SORCS2: variants seen among roughly 807,000 people sequenced by gnomAD.
The protein encoded by SORCS2 is sortilin related VPS10 domain containing receptor 2, also known as VPS10 domain-containing receptor SorCS2.
A neutral mutation model predicts 141.6 loss-of-function variants in SORCS2; 100 were observed. The observed-to-expected ratio is 0.71, with a 90% CI of 0.60 to 0.83. SORCS2 has a LOEUF of 0.83. Ranked by LOEUF, SORCS2 falls within the 40% of genes least tolerant of loss-of-function variation. The probability of loss-of-function intolerance (pLI) is 0.00; values close to 1 mark genes in which losing one functional copy is unlikely to be tolerated. For synonymous variants in SORCS2, 789 were observed against 676.9 expected, an observed-to-expected ratio of 1.17 and a Z score of -2.57; for missense variants, 1,646 against 1,560.2, an observed-to-expected ratio of 1.05 and a Z score of -0.93.
intron 3 of SORCS2, among the ~76,000 whole-genome samples, chr4:7,577,314 A>G (rs926409630): frequency 2.0e-5 from 3 of 152,218 alleles, no homozygotes; most frequent in Non-Finnish European, 2.9e-5. Flanking sequence ...GTAGACAGGT[A>G]AAGCCAGGTG....
chr4:7,340,336 GA>G (rs1410880666), intron 1 of SORCS2, among the ~76,000 whole-genome samples: 2 of 152,258 alleles, frequency 1.3e-5, no homozygotes, highest in Admixed American at 6.5e-5. Context: ...AGCTGGGACT[GA>G]GGGTGTCAGG....
intron 8 of SORCS2, among the ~76,000 whole-genome samples, chr4:7,671,291 T>TA (rs1052974314): frequency 3.0e-4 from 45 of 150,964 alleles, no homozygotes; most frequent in Admixed American, 1.5e-3. Context: ...GTTTTTGACA[T>TA]AAAAAAGTTA....
intron 2 of SORCS2, among the ~76,000 whole-genome samples, chr4:7,428,445 C>T (rs780502247): frequency 4.6e-5 from 7 of 152,128 alleles, no homozygotes; most frequent in Non-Finnish European, 8.8e-5. Context: ...TCCTGCAGCT[C>T]GCATTCCAAG....
chr4:7,225,714 C>T (rs1179351292), intron 1 of SORCS2, among the ~76,000 whole-genome samples: 2 of 152,112 alleles, frequency 1.3e-5, no homozygotes, highest in African/African-American at 4.8e-5. Context: ...TGAGCTGGCC[C>T]ACCAGGCTGT....
intron 1 of SORCS2, among the ~76,000 whole-genome samples, chr4:7,340,356 T>A (rs974606882): frequency 3.3e-5 from 5 of 152,222 alleles, no homozygotes; most frequent in African/African-American, 7.2e-5. Context: ...GGATGTGAGA[T>A]GTTTGCTGCT....
At chr4:7,434,484 C>A in intron 2 of SORCS2, 2 of 1,611,938 alleles carry the variant, frequency 1.2e-6, no homozygotes, top group South Asian at 2.2e-5. Flanking sequence ...CTGTGCACAC[C>A]TGTGCCGGGG....
At chr4:7,570,837 G>A (rs1250752199) in intron 3 of SORCS2, among the ~76,000 whole-genome samples, 1 of 152,190 alleles carries the variant, frequency 6.6e-6, no homozygotes, top group East Asian at 1.9e-4. Flanking sequence ...GGGGATGGGG[G>A]TGGGAGGGTG....
At chr4:7,553,664 G>C (rs1713894566) in intron 3 of SORCS2, among the ~76,000 whole-genome samples, 1 of 152,246 alleles carries the variant, frequency 6.6e-6, no homozygotes, top group African/African-American at 2.4e-5. Flanking sequence ...ATGGAGACCA[G>C]GTGGGCACCA....
intron 3 of SORCS2, among the ~76,000 whole-genome samples, chr4:7,551,466 A>G (rs1241505285): frequency 6.6e-6 from 1 of 152,230 alleles, no homozygotes; most frequent in Non-Finnish European, 1.5e-5. Flanking sequence ...TCGGCTGTGC[A>G]TGCTGAGCCA....
chr4:7,233,020 A>G lies in SORCS2; in HGVS notation c.480+39894A>G, dbSNP rs561680705. 2.6e-5 allele frequency among the ~76,000 whole-genome samples: 4 copies of G among 152,270 alleles called. No homozygotes were observed. The South Asian group carries it at 6.2e-4, about 24-fold the overall frequency. The stretch of plus-strand genomic sequence containing the variant: ...CCAGAGCTCCCTGCTCCTCTGCACT[A>G]GGAACCTCCCAGAGGCTTTCTGGGG... On this transcript the variant is annotated intron_variant, in intron 1 of 26. Transcript: ENST00000507866. This position sits in a 1 kb window ranked among gnomAD's most constrained non-coding sequence, Gnocchi z 4.5.
At chr4:7,322,136 G>C (rs967282308) in intron 1 of SORCS2, among the ~76,000 whole-genome samples, 3 of 152,178 alleles carry the variant, frequency 2.0e-5, no homozygotes, top group African/African-American at 7.2e-5. Flanking sequence ...CATTAGACCA[G>C]ATGCTGCTTG....
At chr4:7,391,663 G>C (rs376120267) in intron 1 of SORCS2, among the ~76,000 whole-genome samples, 1 of 152,100 alleles carries the variant, frequency 6.6e-6, no homozygotes, top group African/African-American at 2.4e-5. Flanking sequence ...GTCAGTGGAC[G>C]TGGGGGCTGG....
At chr4:7,705,464 C>A (rs1363329493) in intron 14 of SORCS2, among the ~76,000 whole-genome samples, 1 of 152,252 alleles carries the variant, frequency 6.6e-6, no homozygotes, top group Non-Finnish European at 1.5e-5. Flanking sequence ...ACAGCTCTTC[C>A]ACCTCAAGGC....
intron 20 of SORCS2, 81 bp from the exon 21 acceptor site, chr4:7,726,699 G>A: frequency 1.3e-6 from 2 of 1,535,656 alleles, no homozygotes. Context: ...TGCTCTCAGT[G>A]AGGCAGCGAC....
intron 1 of SORCS2, among the ~76,000 whole-genome samples, chr4:7,352,900 C>T (rs566577848): frequency 1.4e-4 from 21 of 151,284 alleles, no homozygotes; most frequent in Middle Eastern, 3.4e-3. Flanking sequence ...CTTATAACCA[C>T]GGTTCCTTGG....
chr4:7,741,202 A>G lies in SORCS2; in HGVS notation c.*938A>G. On this transcript the variant is annotated 3_prime_UTR_variant, in exon 27 of 27. Transcript: ENST00000507866. ...AGTTTTCTGCAGTTCCTTATAGGCG[A>G]AGGGAACCGGGTGGAAACCAAGCTG... 2.5e-6 allele frequency: 1 copy of G among 398,770 alleles called. No individual in the cohort carries two copies. The highest frequency in any genetic ancestry group is 4.4e-6 in the Non-Finnish European group (1 of 226,128). The allele number at this position is 398,770 out of a possible 1,614,324, so 24.7% of individuals were successfully genotyped here.
intron 2 of SORCS2, among the ~76,000 whole-genome samples, chr4:7,423,254 G>T (rs1285089230): frequency 2.6e-5 from 4 of 152,150 alleles, no homozygotes; most frequent in Non-Finnish European, 5.9e-5. Context: ...TTATTTTAAT[G>T]CAGTTTCCTG....
chr4:7,286,419 C>T lies in SORCS2; in HGVS notation c.480+93293C>T, dbSNP rs1168641480. 6.6e-6 allele frequency among the ~76,000 whole-genome samples: 1 copy of T among 152,166 alleles called. No individual in the cohort carries two copies. Among genetic ancestry groups the T allele is most frequent in the Non-Finnish European group, 1.5e-5 (1 of 68,028 alleles). On this transcript the variant is annotated intron_variant, in intron 1 of 26. Transcript: ENST00000507866. This position sits in a 1 kb window ranked among gnomAD's most constrained non-coding sequence, Gnocchi z 4.1. Reference sequence around the variant, plus strand: ...GGAGCAGGGTGTGGGCGAAGGGAGACGTCCTGGAAGGCAGCCACGAGGCCT... The same window carrying T: ...GGAGCAGGGTGTGGGCGAAGGGAGATGTCCTGGAAGGCAGCCACGAGGCCT...
At chr4:7,480,762 C>T (rs1049426410) in intron 2 of SORCS2, among the ~76,000 whole-genome samples, 8 of 152,222 alleles carry the variant, frequency 5.3e-5, no homozygotes, top group African/African-American at 1.9e-4. Context: ...TCCACCCGCC[C>T]CAGGCTCCCC....
Sources: gnomAD v4.1 joint callset for allele counts (sites outside exome capture counted in the v4.1 genomes callset) on GRCh38, gnomAD v4.1.1 for gene constraint, Gnocchi (gnomAD v3.1) non-coding constraint, MANE v1.5 for transcripts, NCBI Gene and HGNC (gene_info 2026-07-23, HGNC 2026-07-21) for gene names.